ZFHX4: variants seen among roughly 807,000 people sequenced by gnomAD.
ZFHX4 encodes zinc finger homeobox 4.
ZFHX4 carries 56 observed loss-of-function variants against 267.6 expected under a neutral mutation model. The observed-to-expected ratio is 0.21, with a 90% CI of 0.17 to 0.26. ZFHX4 has a LOEUF of 0.26. ZFHX4 is among the 10% of genes least tolerant of loss of function. ZFHX4 has a pLI of 1.00. For synonymous variants in ZFHX4, 1,778 were observed against 1,665.6 expected (o/e 1.07, Z -1.64); for missense variants, 4,332 against 4,420.0 (o/e 0.98, Z 0.56).
Position 76,704,752 on chromosome 8 carries a change from C to A in ZFHX4, c.664C>A (p.Pro222Thr). The change falls in exon 2 of 11, where the codon CCT becomes ACT. Residue 222 changes from proline to threonine, a missense_variant. Pro to Thr is a conservative substitution (Grantham distance 38). Around this residue, in one of 7 missense-constraint regions of ZFHX4, gnomAD observed 1,195 missense variants for 1,173.6 expected, o/e 1.02. Coordinates refer to ENST00000651372, the MANE Select transcript of ZFHX4 (RefSeq NM_024721.5). ...PNTSALAGVG[P>T]VLHSFRVYDL... The stretch of plus-strand genomic sequence containing the variant: ...TACCTCAGCATTAGCAGGAGTTGGT[C>A]CTGTGTTGCACAGTTTCCGTGTCTA... 1 of 1,613,978 alleles carries A rather than the reference C, an allele frequency of 6.2e-7. No homozygotes were observed. The highest frequency in any genetic ancestry group is 1.7e-5 in the Admixed American group (1 of 60,022).
chr8:76,832,660 C>G (rs536864364), intron 4 of ZFHX4, among the ~76,000 whole-genome samples: 7 of 152,158 alleles, frequency 4.6e-5, no homozygotes, highest in Non-Finnish European at 1.0e-4. Context: ...AATGAGATGT[C>G]GAAGGAAATT....
chr8:76,808,122 C>A (rs1309080758), intron 4 of ZFHX4, among the ~76,000 whole-genome samples: 1 of 151,956 alleles, frequency 6.6e-6, no homozygotes, highest in African/African-American at 2.4e-5. Flanking sequence ...TTATTTTTAG[C>A]TACCATTGAT....
intron 4 of ZFHX4, among the ~76,000 whole-genome samples, chr8:76,809,196 A>G (rs557068775): frequency 6.6e-6 from 1 of 152,200 alleles, no homozygotes; most frequent in Non-Finnish European, 1.5e-5. Context: ...TTTATGTCAT[A>G]ATATATTGGC....
At chr8:76,730,771 G>T (rs891871071) in intron 3 of ZFHX4, among the ~76,000 whole-genome samples, 1 of 152,038 alleles carries the variant, frequency 6.6e-6, no homozygotes, top group East Asian at 1.9e-4. Flanking sequence ...TTAGCACCTG[G>T]TCCTTGACTT....
At chr8:76,795,412 C>T (rs1212250049) in intron 4 of ZFHX4, among the ~76,000 whole-genome samples, 1 of 151,906 alleles carries the variant, frequency 6.6e-6, no homozygotes, top group African/African-American at 2.4e-5. Context: ...TAGCTTGCAC[C>T]GTAGGCACAC....
In ZFHX4 at chr8:76,851,356, G is replaced by A. The variant is rs199806926; in HGVS notation, c.4435G>A (p.Asp1479Asn). The A allele has an allele frequency of 3.7e-6, 6 of 1,613,830 alleles. No homozygotes were observed. The highest frequency in any genetic ancestry group is 8.5e-7 in the Non-Finnish European group (1 of 1,179,822). The change falls in exon 10 of 11, where the codon GAT becomes AAT. Residue 1479 changes from aspartate (D) to asparagine (N), a missense_variant. Physicochemically the swap from Asp to Asn is conservative, Grantham distance 23 (BLOSUM62 1). Coordinates refer to ENST00000651372, the MANE Select transcript of ZFHX4 (RefSeq NM_024721.5). Reference sequence around the variant, plus strand: ...GGCAGAGAGCGAAACTATGTCCCAGGATGACCATGGCCTAGAGCAGGAAAT... The same window carrying A: ...GGCAGAGAGCGAAACTATGTCCCAGAATGACCATGGCCTAGAGCAGGAAAT... ...LWAESETMSQDDHGLEQEMER... is the reference protein window; with the variant it reads ...LWAESETMSQNDHGLEQEMER...
intron 4 of ZFHX4, among the ~76,000 whole-genome samples, chr8:76,799,166 G>A (rs75817860): frequency 3.3e-5 from 5 of 151,878 alleles, no homozygotes; most frequent in East Asian, 1.9e-4. Context: ...TTTTCATCAC[G>A]CTGTCCAGTC....
At chr8:76,787,272 A>G (rs1029585011) in intron 4 of ZFHX4, among the ~76,000 whole-genome samples, 2 of 152,186 alleles carry the variant, frequency 1.3e-5, no homozygotes, top group East Asian at 3.9e-4. Flanking sequence ...GAGAACCCAG[A>G]TAAGGTAGCT....
intron 3 of ZFHX4, among the ~76,000 whole-genome samples, chr8:76,719,992 T>C (rs951073037): frequency 1.3e-5 from 2 of 152,174 alleles, no homozygotes; most frequent in Admixed American, 6.6e-5. Flanking sequence ...ATTTTTTTAT[T>C]TGCAACAATT....
chr8:76,847,488 A>C (rs1178104226), intron 6 of ZFHX4, among the ~76,000 whole-genome samples: 1 of 152,028 alleles, frequency 6.6e-6, no homozygotes, highest in African/African-American at 2.4e-5. Context: ...AACTCAAATA[A>C]ATTCTAGTGC....
chr8:76,788,899 G>T (rs1810763874), intron 4 of ZFHX4, among the ~76,000 whole-genome samples: 1 of 152,194 alleles, frequency 6.6e-6, no homozygotes. Flanking sequence ...GAACTGATCA[G>T]ATTATTTTAG....
At chr8:76,794,936 G>A (rs1810937658) in intron 4 of ZFHX4, among the ~76,000 whole-genome samples, 1 of 150,704 alleles carries the variant, frequency 6.6e-6, no homozygotes, top group Non-Finnish European at 1.5e-5. Context: ...CTTCTCAGTT[G>A]AAGTCCATCT....
chr8:76,809,618 C>T (rs1811326117), intron 4 of ZFHX4, among the ~76,000 whole-genome samples: 9 of 152,132 alleles, frequency 5.9e-5, no homozygotes, highest in Admixed American at 5.9e-4. Flanking sequence ...GTACCCCTTT[C>T]CACAGAAGGG....
intron 10 of ZFHX4, among the ~76,000 whole-genome samples, chr8:76,859,282 A>G (rs538744161): frequency 5.3e-5 from 8 of 152,166 alleles, no homozygotes; most frequent in Non-Finnish European, 8.8e-5. Context: ...CTTCCTAAAC[A>G]GTGGCCAGCC....
chr8:76,783,671 C>A (rs1284298421), intron 4 of ZFHX4, among the ~76,000 whole-genome samples: 2 of 151,834 alleles, frequency 1.3e-5, no homozygotes, highest in African/African-American at 2.4e-5. Flanking sequence ...TGTAAGATAG[C>A]CATCATTGGA....
intron 3 of ZFHX4, among the ~76,000 whole-genome samples, chr8:76,742,317 T>A (rs897806676): frequency 6.6e-6 from 1 of 152,194 alleles, no homozygotes; most frequent in Non-Finnish European, 1.5e-5. Context: ...ACTATTGTTT[T>A]AGTAATTTGA....
intron 4 of ZFHX4, among the ~76,000 whole-genome samples, chr8:76,816,908 T>C (rs367707473): frequency 1.3e-5 from 2 of 152,170 alleles, no homozygotes; most frequent in South Asian, 4.1e-4. Flanking sequence ...AAATGTCTTT[T>C]ATGCTATAAG....
At chr8:76,858,609 G>C (rs1343249337) in intron 10 of ZFHX4, among the ~76,000 whole-genome samples, 5 of 152,138 alleles carry the variant, frequency 3.3e-5, no homozygotes, top group Admixed American at 3.3e-4. Context: ...GTCTTTATTA[G>C]GTTAATTTAC....
chr8:76,777,014 CT>C (rs1810416594), intron 3 of ZFHX4, among the ~76,000 whole-genome samples: 1 of 152,050 alleles, frequency 6.6e-6, no homozygotes, highest in African/African-American at 2.4e-5. Flanking sequence ...AATGCTAACC[CT>C]TATTCAACTA....
Sources: gnomAD v4.1 joint callset for allele counts (sites outside exome capture counted in the v4.1 genomes callset) on GRCh38, gnomAD v4.1.1 for gene constraint, gnomAD v4.1.1 regional missense constraint, MANE v1.5 for transcripts, NCBI Gene and HGNC (gene_info 2026-07-23, HGNC 2026-07-21) for gene names.